HSPA14: variants seen among roughly 807,000 people sequenced by gnomAD.
HSPA14 encodes heat shock protein family A (Hsp70) member 14.
In HSPA14, 37 loss-of-function variants were observed where a neutral mutation model predicts 65.5. The ratio of observed to expected loss-of-function variants is 0.56; its 90% CI spans 0.43 to 0.74. The LOEUF (loss-of-function observed/expected upper bound fraction) is 0.74. Ranked by LOEUF, HSPA14 falls within the 30% of genes least tolerant of loss-of-function variation. HSPA14 has a pLI of 0.00. For synonymous variants in HSPA14, 203 were observed against 214.2 expected, an observed-to-expected ratio of 0.95 and a Z score of 0.46; for missense variants, 564 against 607.6, an observed-to-expected ratio of 0.93 and a Z score of 0.75.
In HSPA14 at chr10:14,840,165, A is replaced by G; in HGVS notation, c.221+8A>G. On this transcript the variant is annotated splice_region_variant and intron_variant, in intron 3 of 13. Transcript: ENST00000378372. The stretch of plus-strand genomic sequence containing the variant: ...GCAGATCCTGGGCAGAAGGTATGGA[A>G]TCAAATGATACTTTTAAATATGGTA... 2.3e-6 allele frequency: 3 copies of G among 1,305,742 alleles called. No individual in the cohort carries two copies. Among genetic ancestry groups the G allele is most frequent in the Non-Finnish European group, 3.1e-6 (3 of 962,948 alleles). The allele number at this position is 1,305,742 out of a possible 1,614,324, so 80.9% of individuals were successfully genotyped here. A position where few individuals can be genotyped will look rare whatever the true frequency, so the allele number is the denominator to read the frequency against.
chr10:14,868,523 ACACG>A (rs1446483379), intron 12 of HSPA14, among the ~76,000 whole-genome samples: 4 of 152,272 alleles, frequency 2.6e-5, no homozygotes, highest in African/African-American at 9.6e-5. Context: ...ACACACACAC[ACACG>A]GACTGCAGAA....
chr10:14,848,482 G>A, intron 3 of HSPA14, 127 bp from the exon 4 acceptor site: 1 of 619,034 alleles, frequency 1.6e-6, no homozygotes, highest in Non-Finnish European at 2.8e-6. Flanking sequence ...GTATTAAGCA[G>A]CTTAATAACT....
chr10:14,854,909 CAT>C (rs2131642377), intron 9 of HSPA14, among the ~76,000 whole-genome samples: 1 of 152,334 alleles, frequency 6.6e-6, no homozygotes, highest in Admixed American at 6.5e-5. Context: ...GTTCAGTAGT[CAT>C]GTGGCTAGTG....
At position 14,838,451 on chromosome 10, in the gene HSPA14, G is replaced by C. The variant is rs765298056; in HGVS notation, c.49G>C (p.Val17Leu). 1.9e-6 allele frequency: 3 copies of C among 1,604,622 alleles called. No individual in the cohort carries two copies. Among genetic ancestry groups the C allele is most frequent in the African/African-American group, 1.3e-5 (1 of 75,004 alleles). ...GGGCTGCACCTCAGCCTGTGTGGCC[G>C]TCTATAAGGTGAGGGGCTGCGGAGC... ...HLGCTSACVA[V>L]YKDGRAGVVA... The change falls in exon 1 of 14, where the codon GTC (valine) becomes CTC (leucine). Residue 17 changes from valine (V) to leucine (L), a missense_variant. Transcript: ENST00000378372.
At position 14,840,167 on chromosome 10, in the gene HSPA14, C is replaced by G; in HGVS notation, c.221+10C>G. 1 of 1,287,930 alleles carries G rather than the reference C, an allele frequency of 7.8e-7. No homozygotes were observed. Among genetic ancestry groups the G allele is most frequent in the South Asian group, 1.8e-5 (1 of 55,320 alleles). 79.8% of individuals were successfully genotyped at this position (1,287,930 alleles called of 1,614,324 possible). A position where few individuals can be genotyped will look rare whatever the true frequency, so the allele number is the denominator to read the frequency against. On this transcript the variant is annotated intron_variant, in intron 3 of 13. Transcript: ENST00000378372. The stretch of plus-strand genomic sequence containing the variant: ...AGATCCTGGGCAGAAGGTATGGAAT[C>G]AAATGATACTTTTAAATATGGTAAT...
At position 14,856,569 on chromosome 10, in the gene HSPA14, C is replaced by T. The variant is rs187846923; in HGVS notation, c.993+626C>T. Among the ~76,000 whole-genome samples the T allele has an allele frequency of 1.9e-3, 287 of 152,164 alleles. 1 individual carries two copies. The highest frequency in any genetic ancestry group is 6.9e-3 in the African/African-American group (285 of 41,520). On this transcript the variant is annotated intron_variant, in intron 10 of 13. Transcript: ENST00000378372. The stretch of plus-strand genomic sequence containing the variant: ...CTTCATTGAACATACTCTTTTTATA[C>T]ATTTAAAATGAGCCAGGTGCGATGG...
At chr10:14,866,505 G>T (rs1004932209) in intron 10 of HSPA14, among the ~76,000 whole-genome samples, 2 of 152,184 alleles carry the variant, frequency 1.3e-5, no homozygotes, top group Non-Finnish European at 2.9e-5. Context: ...CAACTTAAGG[G>T]ATTTACAGTT....
In HSPA14 at chr10:14,848,791, T is replaced by G; in HGVS notation, c.272T>G (p.Val91Gly). 2.0e-6 allele frequency: 3 copies of G among 1,520,880 alleles called. No individual in the cohort carries two copies. Among genetic ancestry groups the G allele is most frequent in the Non-Finnish European group, 2.7e-6 (3 of 1,108,996 alleles). 94.2% of individuals were successfully genotyped at this position (1,520,880 alleles called of 1,614,324 possible). A position where few individuals can be genotyped will look rare whatever the true frequency, so the allele number is the denominator to read the frequency against. Residue 91 changes from valine to glycine, a missense_variant and splice_region_variant, in exon 5 of 14, where the codon GTC becomes GGC. Physicochemically the swap from Val to Gly is moderately radical, Grantham distance 109. Coordinates refer to ENST00000378372, the MANE Select transcript of HSPA14 (RefSeq NM_016299.4). ...GCATAATTGTAATTTATTTTATAGG[T>G]CATTGAAAAAAATGGGAAATTACGA... ...QKYIAESKCL[V>G]IEKNGKLRYE... is the part of the protein sequence containing the mutation.
rs756515716 is a variant in HSPA14 at position 14,870,577 on chromosome 10, T to C, written c.1381-20T>C. 2 of 1,576,252 alleles carry C rather than the reference T, an allele frequency of 1.3e-6. No homozygotes were observed. The highest frequency in any genetic ancestry group is 1.7e-6 in the Non-Finnish European group (2 of 1,158,210). Reference sequence around the variant, plus strand: ...ATGTAAAGATGCTGAATTCTCTTCATATTGTTCTTGTATAAACAGGTTGTA... The same window carrying C: ...ATGTAAAGATGCTGAATTCTCTTCACATTGTTCTTGTATAAACAGGTTGTA... On this transcript the variant is annotated intron_variant, in intron 12 of 13. Transcript: ENST00000378372.
chr10:14,840,033 T>A, intron 2 of HSPA14, 42 bp from the exon 3 acceptor site: 2 of 1,375,488 alleles, frequency 1.5e-6, no homozygotes, highest in South Asian at 2.5e-5. Context: ...TAAAATTACA[T>A]ACATTGTAAT....
chr10:14,871,294 A>G (rs1413849954), intron 13 of HSPA14, among the ~76,000 whole-genome samples: 1 of 152,212 alleles, frequency 6.6e-6, no homozygotes, highest in African/African-American at 2.4e-5. Flanking sequence ...AAGAAATACA[A>G]CCATGATCTT....
intron 11 of HSPA14, 50 bp downstream of exon 11, chr10:14,867,345 CT>C: frequency 3.9e-6 from 5 of 1,277,230 alleles, no homozygotes; most frequent in Non-Finnish European, 4.5e-6. Context: ...CTTTTCTATA[CT>C]TTACATAAAA....
intron 10 of HSPA14, among the ~76,000 whole-genome samples, chr10:14,860,100 A>G (rs932917881): frequency 5.9e-5 from 9 of 152,184 alleles, no homozygotes; most frequent in African/African-American, 2.2e-4. Context: ...TGTGAATGAG[A>G]TAATACTTTA....
At position 14,842,557 on chromosome 10, in the gene HSPA14, A is replaced by G. The variant is rs1833987952; in HGVS notation, c.221+2400A>G. The G allele has an allele frequency of 6.5e-7, 1 of 1,536,038 alleles. No homozygotes were observed. The highest frequency in any genetic ancestry group is 1.4e-5 in the African/African-American group (1 of 73,054). On this transcript the variant is annotated intron_variant, in intron 3 of 13. Transcript: ENST00000378372. The surrounding 1 kb of genome is among the most constrained non-coding windows in gnomAD (Gnocchi z 5.2). ...GTATGGGTGAGCCACCACACTGTCC[A>G]TTTTATGATACGTTGGATCAGCTTC...
At chr10:14,855,073 G>C (rs1834136570) in intron 9 of HSPA14, among the ~76,000 whole-genome samples, 1 of 152,114 alleles carries the variant, frequency 6.6e-6, no homozygotes, top group Non-Finnish European at 1.5e-5. Flanking sequence ...ATTCCTTAGG[G>C]TTAAGTTTGT....
intron 3 of HSPA14, chr10:14,845,694 C>T (rs1220542798): frequency 1.3e-5 from 3 of 238,708 alleles, no homozygotes; most frequent in Non-Finnish European, 2.0e-5. Context: ...CCCGAGTAGC[C>T]GGGATTACAG....
chr10:14,840,883 C>G (rs899290383), intron 3 of HSPA14, among the ~76,000 whole-genome samples: 21 of 152,204 alleles, frequency 1.4e-4, no homozygotes, highest in African/African-American at 4.8e-4. Context: ...CAAATACTAT[C>G]ATTCCCCATT....
intron 9 of HSPA14, among the ~76,000 whole-genome samples, chr10:14,854,873 T>C (rs1199172670): frequency 6.6e-6 from 1 of 152,222 alleles, no homozygotes; most frequent in Non-Finnish European, 1.5e-5. Flanking sequence ...ATGCAGTTCC[T>C]CAGTAGCACT....
intron 3 of HSPA14, among the ~76,000 whole-genome samples, 153 bp downstream of exon 3, chr10:14,840,310 TC>T (rs1833957061): frequency 6.6e-6 from 1 of 152,162 alleles, no homozygotes; most frequent in Admixed American, 6.5e-5. Flanking sequence ...GTAGGCAGTG[TC>T]TTTTGATTCT....
Sources: allele counts gnomAD v4.1 joint callset (sites outside exome capture counted in the v4.1 genomes callset), GRCh38; gene constraint gnomAD v4.1.1; non-coding constraint Gnocchi (gnomAD v3.1); transcripts MANE v1.5; gene names NCBI Gene and HGNC (gene_info 2026-07-23, HGNC 2026-07-21).